Variants in HACD1 observed in about 807,000 individuals in gnomAD.
The protein encoded by HACD1 is very-long-chain (3R)-3-hydroxyacyl-CoA dehydratase 1.
A neutral mutation model predicts 32.0 loss-of-function variants in HACD1; 41 were observed. That is an observed-to-expected ratio of 1.28 (90% confidence interval 1.00 to 1.66). The LOEUF is 1.66. Ranked by LOEUF, HACD1 falls within the 40% of genes most tolerant of loss-of-function variation. The pLI, the probability that HACD1 is intolerant of heterozygous loss-of-function variation, is 0.00. For missense variants in HACD1, 396 were observed against 380.1 expected (o/e 1.04, Z -0.35); for synonymous variants, 142 against 139.0 (o/e 1.02, Z -0.15).
chr10:17,603,833 G>T, intron 2 of HACD1, 89 bp from the exon 3 acceptor site: 1 of 1,476,360 alleles, frequency 6.8e-7, no homozygotes, highest in Non-Finnish European at 9.4e-7. Context: ...AAATCCATAG[G>T]TGGTATGTAA....
chr10:17,614,240 G>A (rs782341145), intron 1 of HACD1, among the ~76,000 whole-genome samples: 1 of 152,062 alleles, frequency 6.6e-6, no homozygotes, highest in African/African-American at 2.4e-5. Context: ...AACATCCTGG[G>A]CAATATAGCA....
chr10:17,596,529 T>A (rs1477581707), intron 5 of HACD1, among the ~76,000 whole-genome samples: 1 of 149,938 alleles, frequency 6.7e-6, no homozygotes, highest in Admixed American at 6.7e-5. Context: ...GAAGAAAAAA[T>A]TAACACTCCT....
intron 1 of HACD1, among the ~76,000 whole-genome samples, chr10:17,610,704 G>C (rs1242677262): frequency 6.6e-6 from 1 of 151,738 alleles, no homozygotes; most frequent in Non-Finnish European, 1.5e-5. Flanking sequence ...CATCCACTGT[G>C]CATCAGGCAT....
chr10:17,612,461 G>T (rs983656816), intron 1 of HACD1, among the ~76,000 whole-genome samples: 1 of 152,216 alleles, frequency 6.6e-6, no homozygotes, highest in Non-Finnish European at 1.5e-5. Context: ...TAATGGAGAT[G>T]ACAGACAATA....
At chr10:17,614,513 G>A (rs976965113) in intron 1 of HACD1, among the ~76,000 whole-genome samples, 5 of 151,814 alleles carry the variant, frequency 3.3e-5, no homozygotes, top group Non-Finnish European at 7.4e-5. Context: ...AAAGTGCTGG[G>A]ATTACAGACG....
rs895755933 is a variant in HACD1, at chr10:17,617,304, G to C, written c.36C>G (p.Ser12Arg). ...CTGCCCAGCCTGCAGCCCGAGAGCCGCTGCCCGCTGCCGCCGCTTCCGTCA... is the reference window on the plus strand; with the variant it reads ...CTGCCCAGCCTGCAGCCCGAGAGCCCCTGCCCGCTGCCGCCGCTTCCGTCA... ...GRLTEAAAAG[S>R]GSRAAGWAGS... Residue 12 changes from serine (S) to arginine (R), a missense_variant, in exon 1 of 7, where the codon AGC (serine) becomes AGG (arginine). Physicochemically the swap from Ser to Arg is moderately radical, Grantham distance 110 (BLOSUM62 -1). Coordinates refer to ENST00000361271, the MANE Select transcript of HACD1 (RefSeq NM_014241.4). 4.2e-6 allele frequency: 6 copies of C among 1,443,598 alleles called. No homozygotes were observed. Among genetic ancestry groups the C allele is most frequent in the Non-Finnish European group, 4.5e-6 (5 of 1,104,454 alleles). The allele number at this position is 1,443,598 out of a possible 1,614,324, so 89.4% of individuals were successfully genotyped here.
At chr10:17,614,401 C>A (rs1833038456) in intron 1 of HACD1, among the ~76,000 whole-genome samples, 1 of 152,162 alleles carries the variant, frequency 6.6e-6, no homozygotes, top group South Asian at 2.1e-4. Flanking sequence ...AGATTACAGG[C>A]CTGTGCCACC....
intron 1 of HACD1, among the ~76,000 whole-genome samples, chr10:17,609,910 C>A (rs562138378): frequency 4.0e-5 from 6 of 148,832 alleles, no homozygotes; most frequent in Admixed American, 2.7e-4. Flanking sequence ...TTTGAATCCG[C>A]AGGCAGAGGT....
At chr10:17,612,790 C>T (rs900490741) in intron 1 of HACD1, among the ~76,000 whole-genome samples, 4 of 151,874 alleles carry the variant, frequency 2.6e-5, no homozygotes, top group African/African-American at 4.8e-5. Flanking sequence ...GGCGTGGTGG[C>T]GGGCGCCAGT....
intron 1 of HACD1, 66 bp downstream of exon 1, chr10:17,617,017 C>A: frequency 2.2e-6 from 3 of 1,334,950 alleles, no homozygotes; most frequent in Non-Finnish European, 2.9e-6. Flanking sequence ...CCCGCGCCCC[C>A]TGAACCCGGA....
intron 1 of HACD1, among the ~76,000 whole-genome samples, chr10:17,604,854 C>T (rs1404016482): frequency 3.9e-5 from 6 of 152,174 alleles, no homozygotes; most frequent in Non-Finnish European, 8.8e-5. Flanking sequence ...TACAGGTGTG[C>T]GCCATCATAT....
In HACD1 at chr10:17,617,242, G is replaced by T. The variant is rs1335472338; in HGVS notation, c.98C>A (p.Ser33Tyr). The change falls in exon 1 of 7, where the codon TCC becomes TAC. Residue 33 changes from serine (S) to tyrosine (Y), a missense_variant. Physicochemically the swap from Ser to Tyr is moderately radical, Grantham distance 144. Coordinates refer to ENST00000361271, the MANE Select transcript of HACD1 (RefSeq NM_014241.4). The stretch of plus-strand genomic sequence containing the variant: ...CGCCATGGTGGCCGCGCACCTGGGG[G>T]ACGTGGGAGACAGCGGCAGGAGCGT... ...PPTLLPLSPT[S>Y]PRCAATMASS... 1.3e-6 allele frequency: 2 copies of T among 1,481,898 alleles called. No individual in the cohort carries two copies. The highest frequency in any genetic ancestry group is 1.8e-6 in the Non-Finnish European group (2 of 1,121,556). The allele number at this position is 1,481,898 out of a possible 1,614,324, so 91.8% of individuals were successfully genotyped here.
At chr10:17,615,941 C>T in intron 1 of HACD1, 1 of 327,040 alleles carries the variant, frequency 3.1e-6, no homozygotes, top group Non-Finnish European at 6.3e-6. Context: ...GCACTCCAGC[C>T]TGGGCGACAG....
At chr10:17,599,129 T>C in intron 5 of HACD1, 161 bp downstream of exon 5, 1 of 1,244,168 alleles carries the variant, frequency 8.0e-7, no homozygotes, top group Non-Finnish European at 1.0e-6. Flanking sequence ...GCTTTTAGAA[T>C]ACAAATCATA....
intron 5 of HACD1, among the ~76,000 whole-genome samples, chr10:17,598,776 T>G (rs1270219485): frequency 6.6e-6 from 1 of 152,212 alleles, no homozygotes; most frequent in African/African-American, 2.4e-5. Context: ...TAGGATATAT[T>G]TGGAGCCCTT....
chr10:17,605,746 G>C (rs1249241042), intron 1 of HACD1, among the ~76,000 whole-genome samples: 1 of 151,230 alleles, frequency 6.6e-6, no homozygotes, highest in Non-Finnish European at 1.5e-5. Context: ...CTGAGGTCCG[G>C]AGTTTGAGAC....
chr10:17,611,510 G>T (rs1270715552), intron 1 of HACD1, among the ~76,000 whole-genome samples: 2 of 152,138 alleles, frequency 1.3e-5, no homozygotes, highest in Non-Finnish European at 2.9e-5. Flanking sequence ...TGCAATTGTT[G>T]TTTATATATT....
chr10:17,615,116 T>G (rs1833055437), intron 1 of HACD1, among the ~76,000 whole-genome samples: 1 of 152,250 alleles, frequency 6.6e-6, no homozygotes, highest in Non-Finnish European at 1.5e-5. Context: ...CGAATGCATT[T>G]AAAGGCAGCA....
At chr10:17,606,804 C>G (rs1554817105) in intron 1 of HACD1, among the ~76,000 whole-genome samples, 1 of 152,160 alleles carries the variant, frequency 6.6e-6, no homozygotes, top group African/African-American at 2.4e-5. Context: ...ATAACAATGA[C>G]AATAATAAGT....
Sources: allele counts gnomAD v4.1 joint callset (sites outside exome capture counted in the v4.1 genomes callset), GRCh38; gene constraint gnomAD v4.1.1; transcripts MANE v1.5; gene names NCBI Gene and HGNC (gene_info 2026-07-23, HGNC 2026-07-21).